Variants in SEMA3E observed in about 807,000 individuals in gnomAD.
The protein encoded by SEMA3E is semaphorin 3E, also known as semaphorin-3E.
A neutral mutation model predicts 93.6 loss-of-function variants in SEMA3E; 49 were observed. That is an observed-to-expected ratio of 0.52 (90% confidence interval 0.42 to 0.66). SEMA3E has a LOEUF of 0.66. Among genes scored for constraint, SEMA3E ranks in the 30% least tolerant of loss-of-function variants. The probability of loss-of-function intolerance (pLI) is 0.00; values close to 1 mark genes in which losing one functional copy is unlikely to be tolerated. For synonymous variants in SEMA3E, 363 were observed against 330.7 expected, an observed-to-expected ratio of 1.10 and a Z score of -1.06; for missense variants, 906 against 964.8, an observed-to-expected ratio of 0.94 and a Z score of 0.81.
chr7:83,588,980 T>C (rs1318509444), intron 1 of SEMA3E, among the ~76,000 whole-genome samples: 1 of 152,116 alleles, frequency 6.6e-6, no homozygotes, highest in African/African-American at 2.4e-5. Flanking sequence ...AAGGAGGTGA[T>C]GTTGTCACTT....
chr7:83,385,068 T>C (rs1787851112), intron 16 of SEMA3E, among the ~76,000 whole-genome samples: 1 of 150,548 alleles, frequency 6.6e-6, no homozygotes, highest in Non-Finnish European at 1.5e-5. Flanking sequence ...TGTATGTGTA[T>C]AGCATATATA....
At chr7:83,451,785 G>C (rs1319189337) in intron 4 of SEMA3E, among the ~76,000 whole-genome samples, 2 of 152,214 alleles carry the variant, frequency 1.3e-5, no homozygotes, top group Non-Finnish European at 2.9e-5. Flanking sequence ...GTTTTTAAAA[G>C]TATGCTCTTT....
chr7:83,458,678 G>A lies in SEMA3E; in HGVS notation c.456+7804C>T, dbSNP rs372697238. The stretch of plus-strand genomic sequence containing the variant: ...CTATGCTGTGTATGGTACATCCAAC[G>A]GGGTGAGCTTAGTAGCACATTGGAG... On this transcript the variant is annotated intron_variant, in intron 4 of 16. Transcript: ENST00000643230. Among the ~76,000 whole-genome samples the A allele has an allele frequency of 6.6e-5, 10 of 151,860 alleles. No homozygotes were observed. In the South Asian group the frequency reaches 1.2e-3, roughly 19 times the overall value.
intron 1 of SEMA3E, among the ~76,000 whole-genome samples, chr7:83,564,675 T>C (rs185451712): frequency 7.9e-5 from 12 of 152,358 alleles, no homozygotes; most frequent in Non-Finnish European, 1.5e-4. Context: ...AGTAGAAACT[T>C]ATCTGTTTTT....
Position 83,490,146 on chromosome 7 carries a change from T to C in SEMA3E, c.244A>G (p.Ser82Gly), listed in dbSNP as rs764306134. The change falls in exon 2 of 17, where the codon AGC becomes GGC. Residue 82 changes from serine to glycine, a missense_variant. Ser to Gly is a moderately conservative substitution (Grantham distance 56, BLOSUM62 0). Transcript: ENST00000643230. Reference protein sequence around the residue: ...VGGRDLVYSLSLERISDGYKE... With the variant: ...VGGRDLVYSLGLERISDGYKE... The stretch of plus-strand genomic sequence containing the variant: ...TAGCCGTCACTGATTCTCTCCAAGC[T>C]GAGGGAATATACAAGGTCCCTGCCT... The C allele has an allele frequency of 6.8e-6, 11 of 1,613,016 alleles. No individual in the cohort carries two copies. Among genetic ancestry groups the C allele is most frequent in the Non-Finnish European group, 8.5e-6 (10 of 1,179,356 alleles).
intron 1 of SEMA3E, among the ~76,000 whole-genome samples, chr7:83,530,133 C>G (rs1791256888): frequency 6.6e-6 from 1 of 152,118 alleles, no homozygotes; most frequent in African/African-American, 2.4e-5. Flanking sequence ...GGGCACAGAT[C>G]TAGATTTAAT....
intron 1 of SEMA3E, among the ~76,000 whole-genome samples, chr7:83,535,810 T>C (rs1225730776): frequency 6.6e-6 from 1 of 152,054 alleles, no homozygotes; most frequent in African/African-American, 2.4e-5. Flanking sequence ...AAATAGTTTA[T>C]AAAAAAATGC....
chr7:83,381,418 C>A (rs1231281901), intron 16 of SEMA3E, among the ~76,000 whole-genome samples: 2 of 151,952 alleles, frequency 1.3e-5, no homozygotes, highest in Non-Finnish European at 2.9e-5. Flanking sequence ...TGTTACATGA[C>A]CTATGCCCTC....
intron 14 of SEMA3E, among the ~76,000 whole-genome samples, chr7:83,389,752 A>G (rs927710302): frequency 7.1e-6 from 1 of 140,676 alleles, no homozygotes; most frequent in African/African-American, 2.6e-5. Flanking sequence ...CGTATATATT[A>G]CATGTATACA....
chr7:83,629,403 C>A (rs1312484444), intron 1 of SEMA3E, among the ~76,000 whole-genome samples: 1 of 152,162 alleles, frequency 6.6e-6, no homozygotes, highest in East Asian at 1.9e-4. Context: ...CCACCCCTTC[C>A]CCCAGGTCCT....
chr7:83,409,749 C>G (rs1450888518), intron 5 of SEMA3E, among the ~76,000 whole-genome samples: 1 of 151,346 alleles, frequency 6.6e-6, no homozygotes, highest in African/African-American at 2.4e-5. Context: ...ATATTGAATA[C>G]TTTATTTATA....
At chr7:83,617,768 G>A (rs1246149670) in intron 1 of SEMA3E, among the ~76,000 whole-genome samples, 1 of 151,134 alleles carries the variant, frequency 6.6e-6, no homozygotes, top group Non-Finnish European at 1.5e-5. Context: ...CTGGAATTCT[G>A]ACAAAGTAAA....
chr7:83,481,724 G>A (rs1790149515), intron 2 of SEMA3E, among the ~76,000 whole-genome samples: 1 of 152,128 alleles, frequency 6.6e-6, no homozygotes, highest in Non-Finnish European at 1.5e-5. Context: ...TCTGGGAAAT[G>A]CAGTGAGTTA....
intron 5 of SEMA3E, among the ~76,000 whole-genome samples, chr7:83,410,412 A>T (rs1788416632): frequency 6.6e-6 from 1 of 152,048 alleles, no homozygotes; most frequent in Non-Finnish European, 1.5e-5. Context: ...GGTATGATGT[A>T]AGGAAAATAA....
chr7:83,409,513 A>T (rs1788398907), intron 5 of SEMA3E, among the ~76,000 whole-genome samples: 1 of 152,200 alleles, frequency 6.6e-6, no homozygotes, highest in South Asian at 2.1e-4. Context: ...ACATTGGTCT[A>T]GTTCTAAAAC....
intron 4 of SEMA3E, among the ~76,000 whole-genome samples, chr7:83,454,139 T>C (rs1276803955): frequency 6.7e-6 from 1 of 150,134 alleles, no homozygotes; most frequent in African/African-American, 2.4e-5. Context: ...GCTCTTGTAG[T>C]CCCAGCTACT....
chr7:83,496,029 G>A (rs1169659074), intron 1 of SEMA3E, among the ~76,000 whole-genome samples: 1 of 151,848 alleles, frequency 6.6e-6, no homozygotes, highest in Admixed American at 6.6e-5. Context: ...AATATTTATT[G>A]AGCAGTTACA....
At chr7:83,489,544 T>G (rs1454829811) in intron 2 of SEMA3E, among the ~76,000 whole-genome samples, 2 of 152,130 alleles carry the variant, frequency 1.3e-5, no homozygotes, top group Non-Finnish European at 2.9e-5. Flanking sequence ...AAGATTTATA[T>G]GAGTCTAAGA....
intron 1 of SEMA3E, 72 bp from the exon 2 acceptor site, chr7:83,490,346 G>A (rs1293950563): frequency 3.3e-6 from 5 of 1,494,144 alleles, no homozygotes; most frequent in African/African-American, 2.8e-5. Context: ...TTTTCTCATA[G>A]CTCTGTTTTC....
Sources: allele counts gnomAD v4.1 joint callset (sites outside exome capture counted in the v4.1 genomes callset), GRCh38; gene constraint gnomAD v4.1.1; transcripts MANE v1.5; gene names NCBI Gene and HGNC (gene_info 2026-07-23, HGNC 2026-07-21).